Variants in MTCL1 observed in about 807,000 individuals in gnomAD.
The protein encoded by MTCL1 is microtubule cross-linking factor 1.
MTCL1 carries 79 observed loss-of-function variants against 141.4 expected under a neutral mutation model. The observed-to-expected ratio is 0.56, with a 90% CI of 0.47 to 0.67. The LOEUF is 0.67. MTCL1 is among the 30% of genes least tolerant of loss of function. MTCL1 has a pLI of 0.00. For synonymous variants in MTCL1, 914 were observed against 875.8 expected (o/e 1.04, Z -0.77); for missense variants, 2,177 against 2,113.9 (o/e 1.03, Z -0.59).
exon 1 of MTCL1, chr18:8,706,339 C>G: frequency 8.1e-7 from 1 of 1,230,716 alleles, no homozygotes; most frequent in Non-Finnish European, 1.0e-6. Context: ...GCAGCGCCTG[C>G]TCCCTGCCGC....
rs180977879 is a variant in MTCL1, at chr18:8,779,837, C to G, written c.417+1945C>G. Among the ~76,000 whole-genome samples, 1 of 152,208 alleles carries G rather than the reference C, an allele frequency of 6.6e-6. No homozygotes were observed. The highest frequency in any genetic ancestry group is 2.4e-5 in the African/African-American group (1 of 41,514). ...AGACGTTTTGGACATTTTATCAATC[C>G]TCAGGTAATCTACAAATTGACCCTT... On this transcript the variant is annotated intron_variant, in intron 5 of 16. Transcript: ENST00000359865. This position sits in a 1 kb window ranked among gnomAD's most constrained non-coding sequence, Gnocchi z 4.1.
intron 4 of MTCL1, among the ~76,000 whole-genome samples, chr18:8,766,110 G>T (rs147054260): frequency 2.2e-3 from 334 of 151,832 alleles, no homozygotes; most frequent in African/African-American, 7.8e-3. Context: ...GTGAGAAGCT[G>T]GTCATAGATT....
chr18:8,744,499 T>C (rs1387219227), intron 4 of MTCL1, among the ~76,000 whole-genome samples: 1 of 152,220 alleles, frequency 6.6e-6, no homozygotes, highest in African/African-American at 2.4e-5. Context: ...TTGTGGAAAT[T>C]CTGAGATAAA....
chr18:8,705,735 C>G lies in MTCL1; in HGVS notation c.75C>G (p.Arg25=), dbSNP rs2096056670. 1.7e-6 allele frequency: 2 copies of G among 1,205,676 alleles called. No individual in the cohort carries two copies. The highest frequency in any genetic ancestry group is 6.6e-5 in the East Asian group (2 of 30,078). 74.7% of individuals were successfully genotyped at this position (1,205,676 alleles called of 1,614,324 possible). A position where few individuals can be genotyped will look rare whatever the true frequency, so the allele number is the denominator to read the frequency against. Residue 25 remains arginine (R), a synonymous_variant, in exon 1 of 14, where the codon CGC becomes CGG. Coordinates refer to the MTCL1 transcript ENST00000306329. The surrounding 1 kb of genome is among the most constrained non-coding windows in gnomAD (Gnocchi z 5.2). ...TGCAGCCGCCCGGCCAGCACCACCG[C>G]CACCACCACCTCCACCCGGTGGCCG...
intron 4 of MTCL1, among the ~76,000 whole-genome samples, chr18:8,751,557 C>T (rs74655280): frequency 0.014 from 2,155 of 152,334 alleles, 77 homozygotes; most frequent in East Asian, 0.1. Flanking sequence ...GTCATCAACA[C>T]TCTAAAAACA....
chr18:8,798,002 C>T, intron 9 of MTCL1, 95 bp from the exon 9 acceptor site: 6 of 1,264,626 alleles, frequency 4.7e-6, no homozygotes, highest in South Asian at 1.5e-5. Flanking sequence ...GTTGATAATC[C>T]ATAAAGTAGA....
In MTCL1 at chr18:8,830,654, C is replaced by T; in HGVS notation, c.*19-953C>T. On this transcript the variant is annotated intron_variant, in intron 16 of 16. Transcript: ENST00000359865. This position sits in a 1 kb window ranked among gnomAD's most constrained non-coding sequence, Gnocchi z 6.4. ...GGGTCCTTGTTCTCTGTCATCCTTC[C>T]TGTGCCTTCCATTCAGTTCACCTCA... 2 of 985,602 alleles carry T rather than the reference C, an allele frequency of 2.0e-6. No homozygotes were observed. Among genetic ancestry groups the T allele is most frequent in the African/African-American group, 1.7e-5 (1 of 57,372 alleles). The allele number at this position is 985,602 out of a possible 1,614,324, so 61.1% of individuals were successfully genotyped here.
intron 4 of MTCL1, among the ~76,000 whole-genome samples, chr18:8,764,109 C>G (rs1421927507): frequency 1.3e-5 from 2 of 151,758 alleles, no homozygotes; most frequent in African/African-American, 4.8e-5. Context: ...TGGTTTTTCT[C>G]CTAGAGAGAG....
In MTCL1 at chr18:8,748,198, G is replaced by A. The variant is rs143589593; in HGVS notation, c.357+27702G>A. Among the ~76,000 whole-genome samples, 617 of 152,124 alleles carry A rather than the reference G, an allele frequency of 4.1e-3. 10 individuals are homozygous for A. The highest frequency in any genetic ancestry group is 0.035 in the East Asian group (180 of 5,174). On this transcript the variant is annotated intron_variant, in intron 4 of 16. Transcript: ENST00000359865. The stretch of plus-strand genomic sequence containing the variant: ...AGGTGCCCAGACCTCACACCAAGCC[G>A]GACCCCTGCCCCCATCCCTCCCCTG...
chr18:8,743,210 C>G (rs766353188), intron 4 of MTCL1, among the ~76,000 whole-genome samples: 59 of 152,284 alleles, frequency 3.9e-4, no homozygotes, highest in Non-Finnish European at 7.5e-4. Context: ...GCTAGTAAGG[C>G]TGAACAATTT....
In MTCL1 at chr18:8,825,861, G is replaced by A. The variant is rs146614505; in HGVS notation, c.4351G>A (p.Asp1451Asn). The A allele has an allele frequency of 2.4e-4, 392 of 1,614,040 alleles. No homozygotes were observed. Among genetic ancestry groups the A allele is most frequent in the Non-Finnish European group, 3.2e-4 (372 of 1,180,040 alleles). Residue 1451 changes from aspartate to asparagine, a missense_variant, in exon 15 of 17, where the codon GAC becomes AAC. By Grantham distance (23) the Asp-to-Asn change is conservative. Transcript: ENST00000359865. ...CCTCTCCAGCCTCTTCAACATCATT[G>A]ACCACAGCCCCGTGGTGCAGGACCC...
chr18:8,742,547 T>G (rs1270669999), intron 4 of MTCL1, among the ~76,000 whole-genome samples: 1 of 152,162 alleles, frequency 6.6e-6, no homozygotes, highest in Non-Finnish European at 1.5e-5. Flanking sequence ...TCCTGAGAAC[T>G]CACTCACTAT....
intron 4 of MTCL1, among the ~76,000 whole-genome samples, chr18:8,773,340 T>C (rs1432731179): frequency 6.6e-6 from 1 of 152,168 alleles, no homozygotes; most frequent in Non-Finnish European, 1.5e-5. Flanking sequence ...GTGCCCTACT[T>C]TTTTGAGTCT....
chr18:8,728,720 CTTTTTTTTTTTTTTTTT>C (rs34524200), intron 4 of MTCL1, among the ~76,000 whole-genome samples: 3 of 59,038 alleles, frequency 5.1e-5, no homozygotes, highest in African/African-American at 1.3e-4. Context: ...GTTGTCCATT[CTTTTTTTTTTTTTTTTT>C]TTTTTTTTTT....
At chr18:8,827,880 C>T (rs1479860120) in intron 15 of MTCL1, among the ~76,000 whole-genome samples, 2 of 152,172 alleles carry the variant, frequency 1.3e-5, no homozygotes, top group Non-Finnish European at 2.9e-5. Flanking sequence ...TACAAAGTGG[C>T]GCCCAACCCC....
At chr18:8,818,325 A>G (rs1020965361) in intron 12 of MTCL1, among the ~76,000 whole-genome samples, 2 of 151,406 alleles carry the variant, frequency 1.3e-5, no homozygotes, top group African/African-American at 4.9e-5. Flanking sequence ...GGAAAAAAGT[A>G]TGACTCTAAC....
chr18:8,788,373 T>C (rs1440122584), intron 7 of MTCL1, among the ~76,000 whole-genome samples: 2 of 152,212 alleles, frequency 1.3e-5, no homozygotes, highest in African/African-American at 4.8e-5. Context: ...GGGGGCCCAA[T>C]AGCACACCTA....
At position 8,819,129 on chromosome 18, in the gene MTCL1, C is replaced by G. The variant is rs1245691069; in HGVS notation, c.3026C>G (p.Ser1009Cys). Residue 1009 changes from serine to cysteine, a missense_variant, in exon 13 of 17, where the codon TCC becomes TGC. Physicochemically the swap from Ser to Cys is moderately radical, Grantham distance 112 (BLOSUM62 -1). Transcript: ENST00000359865. ...ATCCCGTTTGAAGACCGGCCGCTGTCCAAGCTGAAGGAGTCGGACAGGTGC... is the reference window on the plus strand; with the variant it reads ...ATCCCGTTTGAAGACCGGCCGCTGTGCAAGCTGAAGGAGTCGGACAGGTGC... 9 of 1,614,266 alleles carry G rather than the reference C, an allele frequency of 5.6e-6. No individual in the cohort carries two copies. In the South Asian group the frequency reaches 7.7e-5, roughly 14 times the overall value.
intron 7 of MTCL1, chr18:8,786,669 C>T: frequency 3.6e-6 from 1 of 275,188 alleles, no homozygotes; most frequent in Non-Finnish European, 7.2e-6. Context: ...GAAGTGTTGT[C>T]AGCAGCCTGG....
Sources: allele counts gnomAD v4.1 joint callset (sites outside exome capture counted in the v4.1 genomes callset), GRCh38; gene constraint gnomAD v4.1.1; non-coding constraint Gnocchi (gnomAD v3.1); transcripts MANE v1.5; gene names NCBI Gene and HGNC (gene_info 2026-07-23, HGNC 2026-07-21).